NPSR1: variants seen among roughly 807,000 people sequenced by gnomAD.
NPSR1 encodes the protein neuropeptide S receptor 1.
Under a neutral mutation model 46.9 loss-of-function variants are expected in NPSR1, and 48 were observed. The observed-to-expected ratio is 1.02, with a 90% CI of 0.81 to 1.30. NPSR1 has a LOEUF of 1.30. NPSR1 is among the 50% of genes most tolerant of loss of function. The pLI is 0.00. For missense variants in NPSR1, 450 were observed against 449.5 expected, an observed-to-expected ratio of 1.00 and a Z score of -0.01; for synonymous variants, 176 against 168.1, an observed-to-expected ratio of 1.05 and a Z score of -0.36.
intron 2 of NPSR1, chr7:34,753,866 A>G (rs1169473420): frequency 6.6e-6 from 1 of 152,166 alleles, no homozygotes; most frequent in Non-Finnish European, 1.5e-5. Flanking sequence ...AAACATAAAT[A>G]AAAAATTCTA....
At chr7:34,809,694 ACCTCGTGATCCACCCG>A (rs1176207860) in intron 3 of NPSR1, among the ~76,000 whole-genome samples, 1 of 151,718 alleles carries the variant, frequency 6.6e-6, no homozygotes, top group African/African-American at 2.4e-5. Context: ...GGATCTCCTG[ACCTCGTGATCCACCCG>A]CCTCGGCCTC....
chr7:34,702,319 C>T (rs1160173245), intron 2 of NPSR1, among the ~76,000 whole-genome samples: 1 of 152,152 alleles, frequency 6.6e-6, no homozygotes, highest in African/African-American at 2.4e-5. Context: ...ATGGTAACGT[C>T]TAAGTGAAAA....
chr7:34,700,581 C>T (rs552852503), intron 2 of NPSR1, among the ~76,000 whole-genome samples: 13 of 152,300 alleles, frequency 8.5e-5, no homozygotes, highest in African/African-American at 2.9e-4. Context: ...CGACTTCACA[C>T]CTTCAAGAAT....
At chr7:34,694,131 C>A (rs560282926) in intron 2 of NPSR1, among the ~76,000 whole-genome samples, 1 of 152,138 alleles carries the variant, frequency 6.6e-6, no homozygotes, top group East Asian at 1.9e-4. Flanking sequence ...TTCAACATAG[C>A]ACTGAAAGTC....
At chr7:34,766,555 T>A (rs2128731289) in intron 2 of NPSR1, among the ~76,000 whole-genome samples, 1 of 152,036 alleles carries the variant, frequency 6.6e-6, no homozygotes, top group South Asian at 2.1e-4. Context: ...TTAGAAGAAT[T>A]TCAAAGGCAT....
At chr7:34,786,903 C>CCTG (rs1425992035) in intron 3 of NPSR1, among the ~76,000 whole-genome samples, 1 of 152,032 alleles carries the variant, frequency 6.6e-6, no homozygotes, top group African/African-American at 2.4e-5. Flanking sequence ...ATTTATAGAG[C>CCTG]ACAGGCACAG....
chr7:34,805,449 T>G (rs1265943615), intron 3 of NPSR1, among the ~76,000 whole-genome samples: 1 of 136,580 alleles, frequency 7.3e-6, no homozygotes, highest in Non-Finnish European at 1.5e-5. Flanking sequence ...ATGGCTGTCT[T>G]AGTTGAAAGA....
chr7:34,801,701 G>C (rs1370909980), intron 3 of NPSR1, among the ~76,000 whole-genome samples: 1 of 147,142 alleles, frequency 6.8e-6, no homozygotes, highest in Non-Finnish European at 1.5e-5. Context: ...TCAACATAGT[G>C]TTGGAAGTTC....
At chr7:34,736,856 G>A (rs1784697746) in intron 2 of NPSR1, among the ~76,000 whole-genome samples, 1 of 152,012 alleles carries the variant, frequency 6.6e-6, no homozygotes, top group African/African-American at 2.4e-5. Flanking sequence ...ATTCTACCCA[G>A]CAACCATATG....
At chr7:34,868,212 A>G (rs1791364185) in intron 8 of NPSR1, among the ~76,000 whole-genome samples, 1 of 151,660 alleles carries the variant, frequency 6.6e-6, no homozygotes, top group African/African-American at 2.4e-5. Context: ...GCGATAGCCA[A>G]AAGTGAGAGT....
At chr7:34,716,625 T>C (rs1453431832) in intron 2 of NPSR1, among the ~76,000 whole-genome samples, 1 of 152,208 alleles carries the variant, frequency 6.6e-6, no homozygotes, top group Non-Finnish European at 1.5e-5. Context: ...CCATGTCTGA[T>C]ATGTGAGTCC....
intron 2 of NPSR1, among the ~76,000 whole-genome samples, chr7:34,732,143 T>G (rs1756625737): frequency 6.6e-6 from 1 of 151,148 alleles, no homozygotes; most frequent in Admixed American, 6.6e-5. Context: ...AATTCACAAC[T>G]GATACTAAAA....
chr7:34,728,432 T>C (rs1224170420), intron 2 of NPSR1, among the ~76,000 whole-genome samples: 1 of 152,182 alleles, frequency 6.6e-6, no homozygotes, highest in Non-Finnish European at 1.5e-5. Flanking sequence ...CCTGAGCCAG[T>C]GATGCTAACT....
intron 2 of NPSR1, among the ~76,000 whole-genome samples, chr7:34,763,870 C>T (rs952511587): frequency 2.0e-5 from 3 of 152,208 alleles, no homozygotes; most frequent in Admixed American, 6.5e-5. Flanking sequence ...TATTATTAGA[C>T]TTAACAAACC....
intron 3 of NPSR1, among the ~76,000 whole-genome samples, chr7:34,784,538 T>G (rs1463714437): frequency 1.3e-5 from 2 of 152,160 alleles, no homozygotes; most frequent in Non-Finnish European, 2.9e-5. Flanking sequence ...TGAAGCCCAC[T>G]TGATCATGGT....
rs369865500 is a variant in NPSR1 at position 34,684,509 on chromosome 7, T to C, written c.148-43T>C. Reference sequence around the variant, plus strand: ...GCAGGCATTCTGTAAAGAACTCCAGTTCTCACTGGTACACTGGTTTTATTT... The same window carrying C: ...GCAGGCATTCTGTAAAGAACTCCAGCTCTCACTGGTACACTGGTTTTATTT... On this transcript the variant is annotated intron_variant, in intron 1 of 8. Transcript: ENST00000360581. The C allele has an allele frequency of 1.7e-5, 27 of 1,603,234 alleles. No individual in the cohort carries two copies. In the African/African-American group the frequency reaches 3.6e-4, roughly 22 times the overall value.
rs200224660 is a variant in NPSR1, at chr7:34,778,929, T to C, written c.384+364T>C. On this transcript the variant is annotated intron_variant, in intron 3 of 8. Transcript: ENST00000360581. ...CTCAAATGAACTCAACGCTGGCTAC[T>C]GCTCTTTTTTGTAAACCAAGGGGAA... Among the ~76,000 whole-genome samples the C allele has an allele frequency of 2.3e-4, 35 of 152,292 alleles. No individual in the cohort carries two copies. In the East Asian group the frequency reaches 3.1e-3, roughly 13 times the overall value.
chr7:34,658,457 C>T lies in NPSR1; in HGVS notation c.45C>T (p.Thr15=), dbSNP rs746313917. The stretch of plus-strand genomic sequence containing the variant: ...AGGGCAGCTTCGATTCCAGTGGGAC[C>T]GGGCAGACGCTGGATTCTTCCCCAG... ...FTEGSFDSSG[T]GQTLDSSPVA... Residue 15 remains threonine, a synonymous_variant, in exon 1 of 9, where the codon ACC becomes ACT. Coordinates refer to ENST00000360581, the MANE Select transcript of NPSR1 (RefSeq NM_207172.2). The T allele has an allele frequency of 2.4e-5, 39 of 1,614,038 alleles. No individual in the cohort carries two copies. The highest frequency in any genetic ancestry group is 8.5e-6 in the Non-Finnish European group (10 of 1,180,000).
At chr7:34,834,814 CCTT>C (rs1790293253) in intron 6 of NPSR1, among the ~76,000 whole-genome samples, 1 of 152,238 alleles carries the variant, frequency 6.6e-6, no homozygotes, top group African/African-American at 2.4e-5. Flanking sequence ...GGACATCACA[CCTT>C]CAGCAAAGAT....
Sources: gnomAD v4.1 joint callset for allele counts (sites outside exome capture counted in the v4.1 genomes callset) on GRCh38, gnomAD v4.1.1 for gene constraint, MANE v1.5 for transcripts, NCBI Gene and HGNC (gene_info 2026-07-23, HGNC 2026-07-21) for gene names.